The following TMCC1 variants were observed in gnomAD, a reference collection of about 807,000 sequenced individuals.
TMCC1 encodes the protein transmembrane and coiled-coil domain family 1.
Under a neutral mutation model 52.4 loss-of-function variants are expected in TMCC1, and 15 were observed. That is an observed-to-expected ratio of 0.29 (90% CI 0.19 to 0.44). The LOEUF (loss-of-function observed/expected upper bound fraction) is 0.44, where lower values mean the gene tolerates loss of function less well. TMCC1 is among the 20% of genes least tolerant of loss of function. The pLI, the probability that TMCC1 is intolerant of heterozygous loss-of-function variation, is 1.00. For missense variants in TMCC1, 503 were observed against 806.0 expected, an observed-to-expected ratio of 0.62 and a Z score of 4.55; for synonymous variants, 279 against 301.9, an observed-to-expected ratio of 0.92 and a Z score of 0.79.
chr3:129,670,192 T>C (rs2087801565), intron 5 of TMCC1, 138 bp downstream of exon 5: 4 of 828,354 alleles, frequency 4.8e-6, no homozygotes, highest in Admixed American at 2.8e-5. Context: ...CAGGAACTCA[T>C]GTGGATGTCT....
chr3:129,665,645 T>C (rs919242392), intron 5 of TMCC1, among the ~76,000 whole-genome samples: 5 of 152,198 alleles, frequency 3.3e-5, no homozygotes, highest in Non-Finnish European at 7.3e-5. Flanking sequence ...CATCTAATGC[T>C]TCAGAGAGCT....
At chr3:129,803,796 ATG>A (rs962737812) in intron 4 of TMCC1, among the ~76,000 whole-genome samples, 9 of 152,086 alleles carry the variant, frequency 5.9e-5, no homozygotes, top group Admixed American at 1.3e-4. Flanking sequence ...TAATCACACA[ATG>A]TGTGATTATA....
At chr3:129,670,300 A>C in intron 5 of TMCC1, 30 bp downstream of exon 5, 1 of 1,590,192 alleles carries the variant, frequency 6.3e-7, no homozygotes, top group Non-Finnish European at 8.6e-7. Context: ...CTACACAAAT[A>C]ATTTCAGATA....
At chr3:129,807,764 TA>T (rs2057546634) in intron 4 of TMCC1, among the ~76,000 whole-genome samples, 1 of 152,102 alleles carries the variant, frequency 6.6e-6, no homozygotes, top group South Asian at 2.1e-4. Context: ...CATTAAAGTA[TA>T]AAGGTAAAAT....
At chr3:129,821,772 TAA>T (rs956993852) in intron 4 of TMCC1, among the ~76,000 whole-genome samples, 1 of 152,150 alleles carries the variant, frequency 6.6e-6, no homozygotes, top group African/African-American at 2.4e-5. Flanking sequence ...TCACTAAATA[TAA>T]GAGTCCGTGG....
At chr3:129,689,087 C>A (rs1313216852) in intron 4 of TMCC1, among the ~76,000 whole-genome samples, 1 of 152,044 alleles carries the variant, frequency 6.6e-6, no homozygotes, top group Non-Finnish European at 1.5e-5. Context: ...TTGGCAAAAT[C>A]ATTTAAAATG....
At position 129,831,447 on chromosome 3, in the gene TMCC1, C is replaced by A. The variant is rs138289499; in HGVS notation, c.-131+1327G>T. 4.6e-5 allele frequency among the ~76,000 whole-genome samples: 7 copies of A among 152,206 alleles called. No individual in the cohort carries two copies. In the East Asian group the frequency reaches 1.4e-3, roughly 29 times the overall value. On this transcript the variant is annotated intron_variant, in intron 3 of 6. Coordinates refer to ENST00000393238, the MANE Select transcript of TMCC1 (RefSeq NM_001017395.5). The stretch of plus-strand genomic sequence containing the variant: ...GCACATAGCCTCACTTAGCATGCAG[C>A]CCTAAAGAAACCTAAATTGAGCTTT...
intron 4 of TMCC1, among the ~76,000 whole-genome samples, chr3:129,800,780 A>G (rs1474122170): frequency 1.3e-5 from 2 of 152,068 alleles, no homozygotes; most frequent in Non-Finnish European, 2.9e-5. Flanking sequence ...CATTCATTCC[A>G]TTACTATTTA....
intron 2 of TMCC1, among the ~76,000 whole-genome samples, chr3:129,863,736 C>A (rs1442092583): frequency 1.3e-5 from 2 of 152,092 alleles, no homozygotes; most frequent in East Asian, 3.9e-4. Flanking sequence ...GTGGCGCGCA[C>A]CTGTAATCTC....
intron 4 of TMCC1, chr3:129,794,403 G>GT (rs1333311416): frequency 2.2e-6 from 1 of 455,694 alleles, no homozygotes; most frequent in African/African-American, 2.0e-5. Flanking sequence ...TCCACGAAGG[G>GT]TTTTTTAAAT....
intron 2 of TMCC1, among the ~76,000 whole-genome samples, chr3:129,835,370 T>G (rs2059113935): frequency 6.6e-6 from 1 of 152,024 alleles, no homozygotes; most frequent in Non-Finnish European, 1.5e-5. Flanking sequence ...TTTTCCCATC[T>G]GTTAGCATAT....
chr3:129,652,064 A>G (rs2086364352), intron 6 of TMCC1, among the ~76,000 whole-genome samples: 1 of 152,256 alleles, frequency 6.6e-6, no homozygotes, highest in Non-Finnish European at 1.5e-5. Flanking sequence ...GAACATTTTA[A>G]TGACAAGACC....
intron 4 of TMCC1, among the ~76,000 whole-genome samples, chr3:129,803,830 AT>A (rs755004773): frequency 2.6e-5 from 4 of 152,166 alleles, no homozygotes; most frequent in East Asian, 3.8e-4. Flanking sequence ...ATTAAAAAAA[AT>A]AATTATTTTA....
At chr3:129,671,370 G>C in intron 4 of TMCC1, 106 bp from the exon 5 acceptor site, 1 of 1,193,652 alleles carries the variant, frequency 8.4e-7, no homozygotes, top group Non-Finnish European at 1.2e-6. Flanking sequence ...AATCTCAGTA[G>C]ATAACTGACC....
chr3:129,846,166 C>T (rs76081524), intron 2 of TMCC1, among the ~76,000 whole-genome samples: 13,757 of 151,998 alleles, frequency 0.091, 2,037 homozygotes, highest in African/African-American at 0.31. Flanking sequence ...GAAAAATTCT[C>T]TTTTGGGCTG....
At chr3:129,706,331 G>A (rs1319302630) in intron 4 of TMCC1, among the ~76,000 whole-genome samples, 1 of 150,010 alleles carries the variant, frequency 6.7e-6, no homozygotes, top group Non-Finnish European at 1.5e-5. Context: ...TCAGCCTCCT[G>A]AGTAGCTGGG....
At chr3:129,748,889 G>C (rs2052239171) in intron 4 of TMCC1, among the ~76,000 whole-genome samples, 1 of 152,032 alleles carries the variant, frequency 6.6e-6, no homozygotes, top group African/African-American at 2.4e-5. Context: ...TGTAATCCCA[G>C]CTACTCAGGA....
intron 4 of TMCC1, among the ~76,000 whole-genome samples, chr3:129,692,761 T>C (rs1241246150): frequency 6.6e-6 from 1 of 152,226 alleles, no homozygotes; most frequent in Non-Finnish European, 1.5e-5. Flanking sequence ...TAAGTCTTTT[T>C]GTTTTTAAAG....
At chr3:129,770,601 A>T (rs866843703) in intron 4 of TMCC1, among the ~76,000 whole-genome samples, 5 of 134,762 alleles carry the variant, frequency 3.7e-5, no homozygotes, top group African/African-American at 5.5e-5. Context: ...ATAAAATAAA[A>T]TAAATGAAAT....
Sources: gnomAD v4.1 joint callset for allele counts (sites outside exome capture counted in the v4.1 genomes callset) on GRCh38, gnomAD v4.1.1 for gene constraint, MANE v1.5 for transcripts, NCBI Gene and HGNC (gene_info 2026-07-23, HGNC 2026-07-21) for gene names.